VPS53: variants seen among roughly 807,000 people sequenced by gnomAD.
VPS53 encodes the protein VPS53 subunit of GARP complex, also known as vacuolar protein sorting-associated protein 53 homolog.
Under a neutral mutation model 107.0 loss-of-function variants are expected in VPS53, and 70 were observed. The ratio of observed to expected loss-of-function variants is 0.65; its 90% confidence interval spans 0.54 to 0.80. VPS53 has a LOEUF of 0.80. VPS53 is among the 30% of genes least tolerant of loss of function. The probability of loss-of-function intolerance (pLI) is 0.00; values close to 1 mark genes in which losing one functional copy is unlikely to be tolerated. For missense variants in VPS53, 917 were observed against 1,049.4 expected (o/e 0.87, Z 1.74); for synonymous variants, 409 against 393.3 (o/e 1.04, Z -0.47).
At chr17:573,223 AG>A (rs1914327449) in intron 13 of VPS53, among the ~76,000 whole-genome samples, 1 of 152,338 alleles carries the variant, frequency 6.6e-6, no homozygotes, top group East Asian at 1.9e-4. Context: ...GTGCCTATGT[AG>A]AAATTTCTTT....
intron 7 of VPS53, among the ~76,000 whole-genome samples, chr17:632,496 T>C (rs1970005229): frequency 6.6e-6 from 1 of 152,182 alleles, no homozygotes; most frequent in South Asian, 2.1e-4. Flanking sequence ...CCCAAGTTAT[T>C]TGTTACTTCT....
intron 18 of VPS53, among the ~76,000 whole-genome samples, chr17:533,397 C>G (rs1044008764): frequency 6.6e-6 from 1 of 152,230 alleles, no homozygotes; most frequent in Admixed American, 6.5e-5. Context: ...GCGTGAGCCA[C>G]TGGGCCAGGC....
rs1051475305 is a variant in VPS53, at chr17:519,743, G to A, written c.2328+83C>T. On this transcript the variant is annotated intron_variant, in intron 21 of 21. Transcript: ENST00000437048. This position sits in a 1 kb window ranked among gnomAD's most constrained non-coding sequence, Gnocchi z 5.0. ...ACATGCATTTTGAGAAAGCCCCCCC[G>A]GAACTTATATCCCAATTCCCGGTTA... 29 of 1,048,644 alleles carry A rather than the reference G, an allele frequency of 2.8e-5. No individual in the cohort carries two copies. The highest frequency in any genetic ancestry group is 1.9e-4 in the Admixed American group (9 of 47,088). 65.0% of individuals were successfully genotyped at this position (1,048,644 alleles called of 1,614,324 possible).
At chr17:608,539 A>T (rs1388063558) in intron 11 of VPS53, among the ~76,000 whole-genome samples, 1 of 151,924 alleles carries the variant, frequency 6.6e-6, no homozygotes, top group Non-Finnish European at 1.5e-5. Context: ...TTAAGAAGAG[A>T]TGTTTATTTA....
At chr17:616,984 AG>A (rs1453053597) in intron 11 of VPS53, among the ~76,000 whole-genome samples, 1 of 152,228 alleles carries the variant, frequency 6.6e-6, no homozygotes, top group Admixed American at 6.5e-5. Flanking sequence ...ACAAATCACC[AG>A]GAAGTAGGGC....
intron 12 of VPS53, chr17:601,175 T>C (rs1048539469): frequency 6.6e-6 from 1 of 152,248 alleles, no homozygotes; most frequent in Non-Finnish European, 1.5e-5. Flanking sequence ...TTCTGATTTA[T>C]TGCTCTAACC....
intron 13 of VPS53, among the ~76,000 whole-genome samples, chr17:568,783 G>A (rs1311480533): frequency 6.6e-6 from 1 of 152,132 alleles, no homozygotes; most frequent in African/African-American, 2.4e-5. Context: ...ACGTTGAATG[G>A]GAGAGGCTAA....
intron 5 of VPS53, among the ~76,000 whole-genome samples, chr17:657,877 C>T (rs12937723): frequency 6.6e-6 from 1 of 150,752 alleles, no homozygotes; most frequent in Non-Finnish European, 1.5e-5. Context: ...GCAGGGAGTT[C>T]GTGGATAGAT....
At chr17:635,365 T>C (rs942010951) in intron 7 of VPS53, among the ~76,000 whole-genome samples, 2 of 152,220 alleles carry the variant, frequency 1.3e-5, no homozygotes, top group Non-Finnish European at 2.9e-5. Flanking sequence ...ACTTTGATCA[T>C]AGTTTCTTTT....
At chr17:553,556 C>A in intron 15 of VPS53, 94 bp from the exon 16 acceptor site, 28 of 861,474 alleles carry the variant, frequency 3.3e-5, no homozygotes, top group Non-Finnish European at 4.2e-5. Flanking sequence ...TTTGATGATT[C>A]AGGCATAATT....
rs1476386875 is a variant in VPS53, at chr17:514,156, C to T, written c.*4972G>A. The T allele has an allele frequency of 1.6e-5, 1 of 62,984 alleles. No homozygotes were observed. Among genetic ancestry groups the T allele is most frequent in the South Asian group, 6.7e-4 (1 of 1,486 alleles). 3.9% of individuals were successfully genotyped at this position (62,984 alleles called of 1,614,324 possible). A position where few individuals can be genotyped will look rare whatever the true frequency, so the allele number is the denominator to read the frequency against. ...GAATCCCATTTCCAGCAGGTTATTCCGAGTGCTCTTCCTAGCGAAGGAATC... is the reference window on the plus strand; with the variant it reads ...GAATCCCATTTCCAGCAGGTTATTCTGAGTGCTCTTCCTAGCGAAGGAATC... On this transcript the variant is annotated 3_prime_UTR_variant, in exon 22 of 22. Coordinates refer to ENST00000437048, the MANE Select transcript of VPS53 (RefSeq NM_001128159.3).
Position 512,491 on chromosome 17 carries a change from G to A in VPS53, c.*6637C>T, listed in dbSNP as rs540592958. 1 of 152,330 alleles carries A rather than the reference G, an allele frequency of 6.6e-6. No individual in the cohort carries two copies. The highest frequency in any genetic ancestry group is 2.4e-5 in the African/African-American group (1 of 41,580). The allele number at this position is 152,330 out of a possible 1,614,324, so 9.4% of individuals were successfully genotyped here. A position where few individuals can be genotyped will look rare whatever the true frequency, so the allele number is the denominator to read the frequency against. On this transcript the variant is annotated 3_prime_UTR_variant, in exon 22 of 22. Transcript: ENST00000437048. ...GTCCTTCATGTCCCACAGATCCATG[G>A]ATCGCCGGCATCTTCCCTCCTGTTC...
At chr17:604,455 G>A (rs1009457384) in intron 11 of VPS53, among the ~76,000 whole-genome samples, 5 of 152,180 alleles carry the variant, frequency 3.3e-5, no homozygotes, top group Non-Finnish European at 7.3e-5. Flanking sequence ...GGAAGAAGTC[G>A]AACCTAACGG....
At chr17:567,994 A>C (rs945544916) in intron 13 of VPS53, among the ~76,000 whole-genome samples, 3 of 152,160 alleles carry the variant, frequency 2.0e-5, no homozygotes, top group African/African-American at 7.2e-5. Flanking sequence ...AGGAATGAAG[A>C]CAGTTGCAGA....
At chr17:580,749 A>C (rs1882628263) in intron 13 of VPS53, among the ~76,000 whole-genome samples, 1 of 150,790 alleles carries the variant, frequency 6.6e-6, no homozygotes, top group South Asian at 2.1e-4. Flanking sequence ...TCAGAACCTG[A>C]TGCATTACCA....
chr17:605,415 G>A (rs535855854), intron 11 of VPS53, among the ~76,000 whole-genome samples: 6 of 152,282 alleles, frequency 3.9e-5, no homozygotes, highest in East Asian at 3.9e-4. Context: ...AGGGAGACCC[G>A]GTGGAGACGC....
chr17:658,832 C>T (rs530188009), intron 5 of VPS53, among the ~76,000 whole-genome samples: 14 of 151,870 alleles, frequency 9.2e-5, no homozygotes, highest in African/African-American at 1.9e-4. Flanking sequence ...GTGAGACACT[C>T]GGCCGTGAGT....
intron 13 of VPS53, among the ~76,000 whole-genome samples, chr17:584,432 A>G (rs1967209663): frequency 6.6e-6 from 1 of 152,336 alleles, no homozygotes; most frequent in Non-Finnish European, 1.5e-5. Context: ...TTTTAAAAAC[A>G]GGGTGGGAGG....
chr17:653,458 C>T (rs1349592824), intron 6 of VPS53, 48 bp from the exon 7 acceptor site: 1 of 1,612,498 alleles, frequency 6.2e-7, no homozygotes, highest in African/African-American at 1.3e-5. Context: ...ACTAAAGACG[C>T]AAGATACAGA....
Sources: gnomAD v4.1 joint callset for allele counts (sites outside exome capture counted in the v4.1 genomes callset) on GRCh38, gnomAD v4.1.1 for gene constraint, Gnocchi (gnomAD v3.1) non-coding constraint, MANE v1.5 for transcripts, NCBI Gene and HGNC (gene_info 2026-07-23, HGNC 2026-07-21) for gene names.